Variants in CACNA1I observed in about 807,000 individuals in gnomAD.
CACNA1I encodes voltage-dependent T-type calcium channel subunit alpha-1I.
Under a neutral mutation model 201.6 loss-of-function variants are expected in CACNA1I, and 74 were observed. The observed-to-expected ratio is 0.37, with a 90% CI of 0.30 to 0.45. The LOEUF is 0.45. Ranked by LOEUF, CACNA1I falls within the 20% of genes least tolerant of loss-of-function variation. CACNA1I has a pLI of 1.00. For missense variants in CACNA1I, 2,346 were observed against 3,138.1 expected (o/e 0.75, Z 6.03); for synonymous variants, 1,431 against 1,345.2 (o/e 1.06, Z -1.40).
chr22:39,606,170 G>A (rs1176825366), intron 3 of CACNA1I, among the ~76,000 whole-genome samples: 10 of 152,156 alleles, frequency 6.6e-5, no homozygotes, highest in Admixed American at 6.5e-4. Context: ...TCCCAATGAT[G>A]GCTTATGGGG....
chr22:39,614,591 G>A (rs1933476290), intron 3 of CACNA1I, among the ~76,000 whole-genome samples: 1 of 152,256 alleles, frequency 6.6e-6, no homozygotes, highest in Non-Finnish European at 1.5e-5. Flanking sequence ...GGCTGCCTTT[G>A]TGGCTCACCT....
At chr22:39,577,478 T>C (rs1261848457) in intron 1 of CACNA1I, among the ~76,000 whole-genome samples, 3 of 152,168 alleles carry the variant, frequency 2.0e-5, no homozygotes, top group Non-Finnish European at 4.4e-5. Context: ...CGAAGCCCAG[T>C]CTTGTGCTGC....
At position 39,686,305 on chromosome 22, in the gene CACNA1I, G is replaced by A. The variant is rs1169241252; in HGVS notation, c.6572G>A (p.Arg2191Gln). The A allele has an allele frequency of 1.5e-6, 2 of 1,329,380 alleles. No homozygotes were observed. Among genetic ancestry groups the A allele is most frequent in the Non-Finnish European group, 1.9e-6 (2 of 1,035,644 alleles). 82.3% of individuals were successfully genotyped at this position (1,329,380 alleles called of 1,614,324 possible). A position where few individuals can be genotyped will look rare whatever the true frequency, so the allele number is the denominator to read the frequency against. ...GACCGCAGCAAGGACCCCCCCGGCCGGGCACCGCTGCCCATGGGCCTGGGC... is the reference window on the plus strand; with the variant it reads ...GACCGCAGCAAGGACCCCCCCGGCCAGGCACCGCTGCCCATGGGCCTGGGC... ...AADRSKDPPG[R>Q]APLPMGLGPL... is the part of the protein sequence containing the mutation. Residue 2191 changes from arginine to glutamine, a missense_variant, in exon 37 of 37, where the codon CGG (arginine) becomes CAG (glutamine). By Grantham distance (43) the Arg-to-Gln change is conservative. Coordinates refer to ENST00000402142, the MANE Select transcript of CACNA1I (RefSeq NM_021096.4).
rs115737335 is a variant in CACNA1I, at chr22:39,658,001, C to T, written c.1993-151C>T. On this transcript the variant is annotated intron_variant, in intron 10 of 36. Transcript: ENST00000402142. ...AGGTAGCAGAGTTGAGAGGGGCCCT[C>T]GGGGCCTTGTGCATGGGGCAGTGGG... 1.4e-3 allele frequency: 1,059 copies of T among 760,424 alleles called. 5 individuals are homozygous for T. In the African/African-American group the frequency reaches 0.015, roughly 11 times the overall value. The allele number at this position is 760,424 out of a possible 1,614,324, so 47.1% of individuals were successfully genotyped here. A position where few individuals can be genotyped will look rare whatever the true frequency, so the allele number is the denominator to read the frequency against.
intron 5 of CACNA1I, among the ~76,000 whole-genome samples, chr22:39,639,931 G>A (rs1409938810): frequency 6.6e-6 from 1 of 152,182 alleles, no homozygotes; most frequent in East Asian, 1.9e-4. Context: ...TTTAAAGCTT[G>A]TCTTGACTAT....
chr22:39,615,528 G>T (rs1332404507), intron 3 of CACNA1I, among the ~76,000 whole-genome samples: 1 of 152,100 alleles, frequency 6.6e-6, no homozygotes, highest in Non-Finnish European at 1.5e-5. Context: ...GGGCCAATTG[G>T]TGCATTGAGT....
At chr22:39,632,136 G>T (rs904079116) in intron 4 of CACNA1I, among the ~76,000 whole-genome samples, 1 of 152,134 alleles carries the variant, frequency 6.6e-6, no homozygotes. Context: ...AGCGACAAAG[G>T]CCGGCCCGAG....
At chr22:39,578,157 CT>C (rs1932422919) in intron 1 of CACNA1I, among the ~76,000 whole-genome samples, 1 of 152,062 alleles carries the variant, frequency 6.6e-6, no homozygotes, top group African/African-American at 2.4e-5. Context: ...GCCTGGAGAG[CT>C]GTAAGTGTGT....
chr22:39,664,304 C>G lies in CACNA1I; in HGVS notation c.3666+145C>G, dbSNP rs544449782. 1,540 of 671,614 alleles carry G rather than the reference C, an allele frequency of 2.3e-3. 5 individuals carry two copies. The highest frequency in any genetic ancestry group is 3.2e-3 in the Non-Finnish European group (1,246 of 392,740). The allele number at this position is 671,614 out of a possible 1,614,324, so 41.6% of individuals were successfully genotyped here. ...TGGCCCACCCCTCTGGGTGCCAGCC[C>G]CGGGGCTGGGCTCCCGCGACCCAGA... On this transcript the variant is annotated intron_variant, in intron 20 of 36. Coordinates refer to ENST00000402142, the MANE Select transcript of CACNA1I (RefSeq NM_021096.4).
At chr22:39,663,254 T>C (rs138225820) in intron 18 of CACNA1I, among the ~76,000 whole-genome samples, 51 of 152,312 alleles carry the variant, frequency 3.3e-4, no homozygotes, top group African/African-American at 1.2e-3. Flanking sequence ...CATTCTCAAG[T>C]AGCCTGTATG....
chr22:39,664,322 G>A (rs997066087), intron 20 of CACNA1I, among the ~76,000 whole-genome samples, 163 bp downstream of exon 20: 4 of 151,582 alleles, frequency 2.6e-5, no homozygotes, highest in Admixed American at 2.0e-4. Flanking sequence ...GGGCTCCCGC[G>A]ACCCAGAGGG....
At chr22:39,628,884 C>T (rs915456902) in intron 4 of CACNA1I, among the ~76,000 whole-genome samples, 5 of 152,194 alleles carry the variant, frequency 3.3e-5, no homozygotes, top group African/African-American at 7.2e-5. Context: ...GAGGCTGGCA[C>T]GCGTCTGGCA....
intron 20 of CACNA1I, 48 bp from the exon 21 acceptor site, chr22:39,664,682 CGCCCACCTG>C: frequency 1.7e-5 from 13 of 748,992 alleles, no homozygotes; most frequent in South Asian, 8.0e-5. Flanking sequence ...CGGTTGGCCC[CGCCCACCTG>C]CCCGCCCCTC....
At position 39,663,843 on chromosome 22, in the gene CACNA1I, T is replaced by C; in HGVS notation, c.3597+2T>C. 6.2e-7 allele frequency: 1 copy of C among 1,613,392 alleles called. No homozygotes were observed. The highest frequency in any genetic ancestry group is 8.5e-7 in the Non-Finnish European group (1 of 1,179,776). ...CCTCAGATCGAGGCCGGCAGCACCG[T>C]GAGTGGCTGTAGCCTTTGGGCAGGG... On this transcript the variant is annotated splice_donor_variant, in intron 19 of 36. Coordinates refer to ENST00000402142, the MANE Select transcript of CACNA1I (RefSeq NM_021096.4). LOFTEE classifies it high-confidence loss of function.
chr22:39,596,186 G>A (rs1478084641), intron 1 of CACNA1I, among the ~76,000 whole-genome samples: 26 of 9,444 alleles, frequency 2.8e-3, no homozygotes, highest in African/African-American at 4.0e-3. Context: ...CAGGGCGGAG[G>A]GAGATGGGGG....
intron 6 of CACNA1I, among the ~76,000 whole-genome samples, chr22:39,642,154 G>A (rs1369853020): frequency 6.6e-6 from 1 of 152,170 alleles, no homozygotes; most frequent in South Asian, 2.1e-4. Flanking sequence ...GAGCATCAGG[G>A]TCATTTGTTC....
intron 18 of CACNA1I, 80 bp downstream of exon 18, chr22:39,662,956 C>CTAT: frequency 1.0e-6 from 1 of 979,476 alleles, no homozygotes; most frequent in South Asian, 1.4e-5. Context: ...CCAGGCAAGG[C>CTAT]CATTGGTGGC....
intron 29 of CACNA1I, among the ~76,000 whole-genome samples, chr22:39,674,581 G>A (rs1045672126): frequency 6.6e-6 from 1 of 152,156 alleles, no homozygotes; most frequent in South Asian, 2.1e-4. Flanking sequence ...CGCACCCTGC[G>A]GTTAGTGAAA....
rs1934994224 is a variant in CACNA1I, at chr22:39,661,146, C to T, written c.2737C>T (p.His913Tyr). The T allele has an allele frequency of 6.2e-7, 1 of 1,613,260 alleles. No homozygotes were observed. Among genetic ancestry groups the T allele is most frequent in the African/African-American group, 1.3e-5 (1 of 74,922 alleles). The change falls in exon 16 of 37, where the codon CAC (histidine) becomes TAC (tyrosine). Residue 913 changes from histidine to tyrosine, a missense_variant. His to Tyr is a moderately conservative substitution (Grantham distance 83). Around this residue, in one of 13 missense-constraint regions of CACNA1I, gnomAD observed 92 missense variants for 114.5 expected, o/e 0.80. Coordinates refer to ENST00000402142, the MANE Select transcript of CACNA1I (RefSeq NM_021096.4). ...CCCAATCCCCATGACCCCCAATGGG[C>T]ACCTGGACCCCAGTCTCCCACTGGG... ...LCPIPMTPNG[H>Y]LDPSLPLGGH...
Sources: allele counts gnomAD v4.1 joint callset (sites outside exome capture counted in the v4.1 genomes callset), GRCh38; gene constraint gnomAD v4.1.1; regional missense constraint gnomAD v4.1.1; transcripts MANE v1.5; gene names NCBI Gene and HGNC (gene_info 2026-07-23, HGNC 2026-07-21).